Variants in PIAS2 observed in about 807,000 individuals in gnomAD.
PIAS2 encodes protein inhibitor of activated STAT 2.
In PIAS2, 19 loss-of-function variants were observed where a neutral mutation model predicts 69.7. The observed-to-expected ratio is 0.27, with a 90% CI of 0.19 to 0.40. The LOEUF (loss-of-function observed/expected upper bound fraction) is 0.40. Among genes scored for constraint, PIAS2 ranks in the 10% least tolerant of loss-of-function variants. The pLI, the probability that PIAS2 is intolerant of heterozygous loss-of-function variation, is 1.00. For synonymous variants in PIAS2, 261 were observed against 263.2 expected, an observed-to-expected ratio of 0.99 and a Z score of 0.08; for missense variants, 624 against 757.0, an observed-to-expected ratio of 0.82 and a Z score of 2.06.
At chr18:46,887,981 C>T (rs888433730) in intron 2 of PIAS2, among the ~76,000 whole-genome samples, 1 of 151,922 alleles carries the variant, frequency 6.6e-6, no homozygotes, top group African/African-American at 2.4e-5. Context: ...AGATTTCACA[C>T]AAAAAACCTG....
chr18:46,891,251 A>G (rs2054033150), intron 1 of PIAS2, 197 bp from the exon 2 acceptor site: 1 of 681,902 alleles, frequency 1.5e-6, no homozygotes, highest in Non-Finnish European at 2.6e-6. Context: ...TTACGGTGTT[A>G]ATTATATTTT....
At chr18:46,876,213 A>G (rs2051159106) in intron 2 of PIAS2, among the ~76,000 whole-genome samples, 1 of 152,170 alleles carries the variant, frequency 6.6e-6, no homozygotes, top group African/African-American at 2.4e-5. Flanking sequence ...TTCATCAACC[A>G]AAAAGGATAA....
At chr18:46,888,566 A>C (rs2053565543) in intron 2 of PIAS2, among the ~76,000 whole-genome samples, 1 of 150,820 alleles carries the variant, frequency 6.6e-6, no homozygotes, top group Admixed American at 6.6e-5. Flanking sequence ...GGAATAAATC[A>C]ACAGTCACAA....
intron 2 of PIAS2, among the ~76,000 whole-genome samples, chr18:46,873,166 T>C (rs1218570656): frequency 1.3e-5 from 2 of 152,168 alleles, no homozygotes; most frequent in African/African-American, 4.8e-5. Context: ...CCACACCCCA[T>C]CAGGTTAGAA....
At chr18:46,858,484 A>G (rs1210790362) in intron 3 of PIAS2, among the ~76,000 whole-genome samples, 2 of 152,188 alleles carry the variant, frequency 1.3e-5, no homozygotes, top group East Asian at 3.9e-4. Flanking sequence ...AGGCTGAGGT[A>G]GGTGGAGTTC....
At chr18:46,866,500 T>A (rs1568606689) in intron 2 of PIAS2, among the ~76,000 whole-genome samples, 1 of 152,198 alleles carries the variant, frequency 6.6e-6, no homozygotes, top group Non-Finnish European at 1.5e-5. Flanking sequence ...CAGACATGCA[T>A]TACAAGAAAT....
chr18:46,899,786 C>A (rs529641420), intron 1 of PIAS2, among the ~76,000 whole-genome samples: 10 of 152,210 alleles, frequency 6.6e-5, no homozygotes, highest in African/African-American at 2.4e-4. Context: ...GAATGATGTT[C>A]GTTTTTCACA....
In PIAS2 at chr18:46,816,003, T is replaced by C. The variant is rs1191883441; in HGVS notation, c.1649-654A>G. On this transcript the variant is annotated intron_variant, in intron 12 of 13. Coordinates refer to ENST00000585916, the MANE Select transcript of PIAS2 (RefSeq NM_004671.5). ...ATGTGTAAAAGGTTGTCCAGTAATATACTTTTGACATATTCAAGTAATAAC... is the reference window on the plus strand; with the variant it reads ...ATGTGTAAAAGGTTGTCCAGTAATACACTTTTGACATATTCAAGTAATAAC... 13 of 984,626 alleles carry C rather than the reference T, an allele frequency of 1.3e-5. No individual in the cohort carries two copies. The East Asian group carries it at 4.5e-4, about 34-fold the overall frequency. 61.0% of individuals were successfully genotyped at this position (984,626 alleles called of 1,614,324 possible).
intron 1 of PIAS2, among the ~76,000 whole-genome samples, chr18:46,902,103 A>G (rs2055949953): frequency 6.6e-6 from 1 of 152,200 alleles, no homozygotes. Context: ...AACCAACCAC[A>G]TCTTTATACA....
At position 46,811,543 on chromosome 18, in the gene PIAS2, A is replaced by G. The variant is rs1403462520; in HGVS notation, c.*890T>C. The G allele has an allele frequency of 2.0e-5, 3 of 152,202 alleles. No homozygotes were observed. Among genetic ancestry groups the G allele is most frequent in the Admixed American group, 6.5e-5 (1 of 15,274 alleles). The allele number at this position is 152,202 out of a possible 1,614,324, so 9.4% of individuals were successfully genotyped here. A position where few individuals can be genotyped will look rare whatever the true frequency, so the allele number is the denominator to read the frequency against. On this transcript the variant is annotated 3_prime_UTR_variant, in exon 14 of 14. Coordinates refer to ENST00000585916, the MANE Select transcript of PIAS2 (RefSeq NM_004671.5). ...ATATCAATATTTGATAGTGTGAACA[A>G]ATTTCTAACAAACATTCCAGTCACA...
chr18:46,813,968 G>A (rs974929041), intron 13 of PIAS2, among the ~76,000 whole-genome samples: 11 of 152,064 alleles, frequency 7.2e-5, no homozygotes, highest in African/African-American at 2.4e-4. Flanking sequence ...TAAAACTGGG[G>A]GGTAAATCTA....
chr18:46,852,655 G>C (rs2047139915), intron 5 of PIAS2: 1 of 152,236 alleles, frequency 6.6e-6, no homozygotes, highest in Admixed American at 6.5e-5. Flanking sequence ...AGAACTGGAA[G>C]AGTAACAAAC....
At chr18:46,916,866 G>A in intron 1 of PIAS2, 2 of 985,490 alleles carry the variant, frequency 2.0e-6, no homozygotes, top group Non-Finnish European at 2.4e-6. Flanking sequence ...GAAGAGGAGA[G>A]ATTCCTAAAC....
At chr18:46,886,855 CAAAT>C (rs2053290444) in intron 2 of PIAS2, among the ~76,000 whole-genome samples, 1 of 151,632 alleles carries the variant, frequency 6.6e-6, no homozygotes, top group Non-Finnish European at 1.5e-5. Context: ...CAAAAAAAAA[CAAAT>C]AAAATCGAAT....
chr18:46,890,839 T>C lies in PIAS2; in HGVS notation c.240A>G (p.Ser80=), dbSNP rs748055462. The change falls in exon 2 of 14, where the codon TCA becomes TCG. Residue 80 remains serine, a synonymous_variant. Coordinates refer to ENST00000585916, the MANE Select transcript of PIAS2 (RefSeq NM_004671.5). ...AGCCACCATCCAAACTGAAAACCGA[T>C]GATTTGATTGTGGATAAATCAGAAA... ...EGLSDLSTIK[S]SVFSLDGGSS... 3 of 1,614,204 alleles carry C rather than the reference T, an allele frequency of 1.9e-6. No homozygotes were observed. The highest frequency in any genetic ancestry group is 2.5e-6 in the Non-Finnish European group (3 of 1,180,044).
intron 1 of PIAS2, among the ~76,000 whole-genome samples, chr18:46,914,565 C>G (rs906720627): frequency 8.1e-5 from 12 of 147,766 alleles, no homozygotes; most frequent in South Asian, 2.3e-4. Flanking sequence ...CCCTCCCCCC[C>G]CCAACTCCAC....
Position 46,844,111 on chromosome 18 carries a change from A to G in PIAS2, c.984T>C (p.Thr328=). Residue 328 remains threonine, a synonymous_variant, in exon 8 of 14, where the codon ACT becomes ACC. Coordinates refer to ENST00000585916, the MANE Select transcript of PIAS2 (RefSeq NM_004671.5). ...TAGCAATTTCACTATCAGGATCTGC[A>G]GTAAGTTTTTCTTTAACTTTAAAAA... ...HSRALIKEKL[T]ADPDSEIATT... The G allele has an allele frequency of 6.7e-7, 1 of 1,498,938 alleles. No homozygotes were observed. Among genetic ancestry groups the G allele is most frequent in the South Asian group, 1.5e-5 (1 of 67,612 alleles). 92.9% of individuals were successfully genotyped at this position (1,498,938 alleles called of 1,614,324 possible).
At chr18:46,891,294 G>GT in intron 1 of PIAS2, 1 of 610,022 alleles carries the variant, frequency 1.6e-6, no homozygotes, top group Non-Finnish European at 2.9e-6. Flanking sequence ...GTAATCTATA[G>GT]TCTATTGGTT....
At chr18:46,825,271 G>A (rs1263021694) in intron 11 of PIAS2, among the ~76,000 whole-genome samples, 1 of 152,146 alleles carries the variant, frequency 6.6e-6, no homozygotes, top group Non-Finnish European at 1.5e-5. Context: ...ACTATAGCAT[G>A]AGCCTCCACT....
Sources: gnomAD v4.1 joint callset for allele counts (sites outside exome capture counted in the v4.1 genomes callset) on GRCh38, gnomAD v4.1.1 for gene constraint, MANE v1.5 for transcripts, NCBI Gene and HGNC (gene_info 2026-07-23, HGNC 2026-07-21) for gene names.